Variants in ADGRV1 observed in about 807,000 individuals in gnomAD.
ADGRV1 encodes the protein adhesion G protein-coupled receptor V1.
A neutral mutation model predicts 596.2 loss-of-function variants in ADGRV1; 359 were observed. The ratio of observed to expected loss-of-function variants is 0.60; its 90% CI spans 0.55 to 0.66. The LOEUF (loss-of-function observed/expected upper bound fraction) is 0.66, where lower values mean the gene tolerates loss of function less well. Ranked by LOEUF, ADGRV1 falls within the 30% of genes least tolerant of loss-of-function variation. The pLI, the probability that ADGRV1 is intolerant of heterozygous loss-of-function variation, is 0.00. For missense variants in ADGRV1, 7,274 were observed against 7,575.6 expected (o/e 0.96, Z 1.48); for synonymous variants, 2,681 against 2,679.2 (o/e 1.00, Z -0.02).
intron 53 of ADGRV1, among the ~76,000 whole-genome samples, chr5:90,752,739 C>T (rs1755406949): frequency 1.3e-5 from 2 of 152,160 alleles, no homozygotes; most frequent in Admixed American, 1.3e-4. Flanking sequence ...ATGATAAATA[C>T]ACATGCATAT....
At chr5:90,689,277 A>C (rs1580746581) in intron 29 of ADGRV1, among the ~76,000 whole-genome samples, 1 of 150,964 alleles carries the variant, frequency 6.6e-6, no homozygotes, top group East Asian at 1.9e-4. Context: ...TGGTTAGTGT[A>C]CTAAGACATT....
rs772270681 is a variant in ADGRV1, at chr5:90,811,226, T to C, written c.15966T>C (p.Pro5322=). 31 of 1,612,866 alleles carry C rather than the reference T, an allele frequency of 1.9e-5. No homozygotes were observed. In the South Asian group the frequency reaches 2.8e-4, roughly 14 times the overall value. The part of the protein sequence containing the change: ...VSVQILDDDE[P]EGQEFFYVFL... Reference sequence around the variant, plus strand: ...TTCAAATTTTGGATGATGATGAGCCTGAGGGGCAGGAATTCTTCTACGTGT... The same window carrying C: ...TTCAAATTTTGGATGATGATGAGCCCGAGGGGCAGGAATTCTTCTACGTGT... Residue 5322 remains proline (P), a synonymous_variant, in exon 74 of 90, where the codon CCT becomes CCC. Transcript: ENST00000405460.
intron 3 of ADGRV1, 48 bp downstream of exon 3, chr5:90,618,001 A>G (rs543944467): frequency 2.9e-4 from 402 of 1,398,434 alleles, no homozygotes; most frequent in Non-Finnish European, 3.8e-4. Flanking sequence ...GGACTTATAA[A>G]ACTTATAAAA....
At chr5:90,730,124 T>G (rs1388194645) in intron 50 of ADGRV1, among the ~76,000 whole-genome samples, 2 of 152,224 alleles carry the variant, frequency 1.3e-5, no homozygotes, top group Admixed American at 6.5e-5. Context: ...CCCAAAGTGC[T>G]GGGATTATAG....
At chr5:91,094,030 T>G (rs1562209916) in intron 86 of ADGRV1, among the ~76,000 whole-genome samples, 1 of 151,896 alleles carries the variant, frequency 6.6e-6, no homozygotes, top group Non-Finnish European at 1.5e-5. Context: ...TTTTGTATTT[T>G]TAGTAGAGAT....
intron 85 of ADGRV1, among the ~76,000 whole-genome samples, chr5:90,990,793 AC>A (rs1395560628): frequency 6.6e-6 from 1 of 152,218 alleles, no homozygotes; most frequent in African/African-American, 2.4e-5. Flanking sequence ...GCTATTGGTT[AC>A]CCGAAGTAAC....
chr5:91,129,152 C>A (rs1417531938), intron 87 of ADGRV1, among the ~76,000 whole-genome samples: 1 of 152,132 alleles, frequency 6.6e-6, no homozygotes, highest in African/African-American at 2.4e-5. Context: ...CATTTCCTTT[C>A]TTTGTAAACA....
chr5:90,995,957 G>A (rs1383614909), intron 85 of ADGRV1, among the ~76,000 whole-genome samples: 1 of 152,214 alleles, frequency 6.6e-6, no homozygotes, highest in Non-Finnish European at 1.5e-5. Context: ...TGTTCAAGAT[G>A]TGACCTGGCT....
intron 1 of ADGRV1, among the ~76,000 whole-genome samples, chr5:90,571,766 T>C (rs1756556097): frequency 6.6e-6 from 1 of 152,140 alleles, no homozygotes; most frequent in Non-Finnish European, 1.5e-5. Flanking sequence ...AGGATGCTGG[T>C]TTTAACTGTT....
chr5:91,001,248 T>C (rs1781834955), intron 85 of ADGRV1, among the ~76,000 whole-genome samples: 1 of 151,924 alleles, frequency 6.6e-6, no homozygotes, highest in African/African-American at 2.4e-5. Context: ...TGGCTAATAT[T>C]TTTATCTTTT....
intron 74 of ADGRV1, among the ~76,000 whole-genome samples, chr5:90,812,333 A>C (rs1488522358): frequency 6.6e-6 from 1 of 152,046 alleles, no homozygotes; most frequent in Non-Finnish European, 1.5e-5. Flanking sequence ...TTTCATTTTC[A>C]TGTTTTATTG....
At chr5:90,605,191 C>T (rs1461051943) in intron 1 of ADGRV1, among the ~76,000 whole-genome samples, 4 of 152,104 alleles carry the variant, frequency 2.6e-5, no homozygotes, top group South Asian at 4.2e-4. Context: ...CCGAGGCAGG[C>T]GGATCATGAG....
Position 90,706,224 on chromosome 5 carries a change from C to G in ADGRV1, c.8567-7C>G. 6.3e-7 allele frequency: 1 copy of G among 1,592,916 alleles called. No individual in the cohort carries two copies. The highest frequency in any genetic ancestry group is 8.5e-7 in the Non-Finnish European group (1 of 1,173,228). ...TTATAAAACATTTTTGCAACCTATT[C>G]AATTAGGAGCTATCAATGTCACATA... On this transcript the variant is annotated splice_polypyrimidine_tract_variant and splice_region_variant and intron_variant, in intron 37 of 89. Coordinates refer to ENST00000405460, the MANE Select transcript of ADGRV1 (RefSeq NM_032119.4).
At chr5:91,040,385 A>G (rs1257320510) in intron 85 of ADGRV1, among the ~76,000 whole-genome samples, 1 of 152,212 alleles carries the variant, frequency 6.6e-6, no homozygotes, top group East Asian at 1.9e-4. Flanking sequence ...TAAAGTGACC[A>G]GTTAGACGAC....
rs917427010 is a variant in ADGRV1, at chr5:90,980,373, A to G, written c.17974-4971A>G. Among the ~76,000 whole-genome samples, 9 of 152,188 alleles carry G rather than the reference A, an allele frequency of 5.9e-5. 1 individual carries two copies. ...TTTTGGACTTGTCTTCAGAGACTAT[A>G]TCGTATCTGTTTAAATGACCTTAAT... On this transcript the variant is annotated intron_variant, in intron 84 of 89. Transcript: ENST00000405460.
intron 70 of ADGRV1, among the ~76,000 whole-genome samples, chr5:90,796,535 T>C (rs1054596427): frequency 1.3e-5 from 2 of 152,216 alleles, no homozygotes; most frequent in Non-Finnish European, 2.9e-5. Flanking sequence ...TGGAACCAAG[T>C]TGGAAAACAT....
chr5:91,114,934 T>A (rs1046292774), intron 87 of ADGRV1, among the ~76,000 whole-genome samples: 6 of 152,152 alleles, frequency 3.9e-5, no homozygotes, highest in African/African-American at 1.2e-4. Context: ...TCCCCAACCC[T>A]GTCAGATTCC....
intron 83 of ADGRV1, among the ~76,000 whole-genome samples, chr5:90,882,738 A>G (rs1645156521): frequency 6.6e-6 from 1 of 152,206 alleles, no homozygotes; most frequent in African/African-American, 2.4e-5. Flanking sequence ...GGATTAAGGT[A>G]AAGGAAGATG....
chr5:90,612,950 C>T (rs1446575421), intron 1 of ADGRV1, among the ~76,000 whole-genome samples: 2 of 152,046 alleles, frequency 1.3e-5, no homozygotes, highest in Non-Finnish European at 2.9e-5. Flanking sequence ...TTGTTAAATG[C>T]ATATTCCTGG....
Sources: gnomAD v4.1 joint callset for allele counts (sites outside exome capture counted in the v4.1 genomes callset) on GRCh38, gnomAD v4.1.1 for gene constraint, MANE v1.5 for transcripts, NCBI Gene and HGNC (gene_info 2026-07-23, HGNC 2026-07-21) for gene names.